DLGAP2: variants seen among roughly 807,000 people sequenced by gnomAD.
The protein encoded by DLGAP2 is DLG associated protein 2.
DLGAP2 carries 26 observed loss-of-function variants against 100.3 expected under a neutral mutation model. The observed-to-expected ratio is 0.26, with a 90% CI of 0.19 to 0.36. The LOEUF is 0.36. DLGAP2 is among the 10% of genes least tolerant of loss of function. DLGAP2 has a pLI of 1.00. For synonymous variants in DLGAP2, 886 were observed against 630.1 expected (o/e 1.41, Z -6.08); for missense variants, 1,858 against 1,453.2 (o/e 1.28, Z -4.53).
At chr8:1,227,733 G>C (rs997054870) in intron 2 of DLGAP2, among the ~76,000 whole-genome samples, 1 of 152,130 alleles carries the variant, frequency 6.6e-6, no homozygotes, top group Admixed American at 6.6e-5. Flanking sequence ...GATAAAACTA[G>C]TTATCAGGGA....
At chr8:1,111,939 G>A (rs1804970657) in intron 2 of DLGAP2, among the ~76,000 whole-genome samples, 1 of 152,096 alleles carries the variant, frequency 6.6e-6, no homozygotes, top group Admixed American at 6.5e-5. Flanking sequence ...GAATTGCTGG[G>A]TTGAATGGCA....
chr8:1,327,795 G>A (rs1165803386), intron 3 of DLGAP2, among the ~76,000 whole-genome samples: 1 of 152,200 alleles, frequency 6.6e-6, no homozygotes, highest in Non-Finnish European at 1.5e-5. Context: ...AATGAGCAGA[G>A]ATGGCACCAC....
chr8:1,302,326 GC>G, intron 3 of DLGAP2: 1 of 116,458 alleles, frequency 8.6e-6, no homozygotes, highest in African/African-American at 4.3e-5. Context: ...CCCGAGCTCT[GC>G]TCCACACCTG....
At chr8:934,887 ATAGAGC>A in intron 2 of DLGAP2, among the ~76,000 whole-genome samples, 1 of 152,306 alleles carries the variant, frequency 6.6e-6, no homozygotes, top group Non-Finnish European at 1.5e-5. Flanking sequence ...CTGTCCAAAG[ATAGAGC>A]TTTCCCTCAG....
intron 2 of DLGAP2, among the ~76,000 whole-genome samples, chr8:1,177,677 A>G (rs1350403408): frequency 1.3e-5 from 2 of 152,188 alleles, no homozygotes; most frequent in Non-Finnish European, 2.9e-5. Context: ...AAATAATAGA[A>G]GTTTATTTCT....
At chr8:786,392 C>T (rs1487330981) in intron 1 of DLGAP2, among the ~76,000 whole-genome samples, 1 of 152,170 alleles carries the variant, frequency 6.6e-6, no homozygotes. Flanking sequence ...CCGGGGACAG[C>T]CACCATTTTC....
At chr8:871,732 G>A (rs1388422512) in intron 1 of DLGAP2, among the ~76,000 whole-genome samples, 1 of 151,916 alleles carries the variant, frequency 6.6e-6, no homozygotes, top group Admixed American at 6.6e-5. Context: ...AAGTACTTCT[G>A]GTCCCACGCA....
intron 1 of DLGAP2, among the ~76,000 whole-genome samples, chr8:761,064 C>T (rs1011592495): frequency 3.3e-5 from 5 of 152,320 alleles, no homozygotes; most frequent in Middle Eastern, 3.4e-3. Context: ...TTGCCTGTGC[C>T]GGGCGCCGTT....
At position 1,430,027 on chromosome 8, in the gene DLGAP2, T is replaced by TAC. The variant is rs58468404; in HGVS notation, c.107-71327_107-71326dup. Reference sequence around the variant, plus strand: ...ATATACATATATATATATATATATATACACACACACACATATGAACTTAGA... The same window carrying TAC: ...ATATACATATATATATATATATATATACACACACACACACATATGAACTTAGA... On this transcript the variant is annotated intron_variant, in intron 3 of 14. Coordinates refer to ENST00000637795, the MANE Select transcript of DLGAP2 (RefSeq NM_001346810.2). Among the ~76,000 whole-genome samples the TAC allele has an allele frequency of 2.6e-3, 197 of 76,822 alleles. 10 individuals carry two copies. The highest frequency in any genetic ancestry group is 6.7e-3 in the Middle Eastern group (1 of 150). The allele number at this position is 76,822 out of a possible 152,430, so 50.4% of individuals were successfully genotyped here.
chr8:898,653 C>G (rs1798192526), intron 1 of DLGAP2, among the ~76,000 whole-genome samples: 2 of 111,590 alleles, frequency 1.8e-5, no homozygotes, highest in South Asian at 5.1e-4. Context: ...TTGCTGGGTC[C>G]TCACTCAGAT....
rs939374709 is a variant in DLGAP2 at position 1,458,731 on chromosome 8, C to G, written c.107-42635C>G. ...GAAGACAGGGTTTGCACACAGCCTTCAGGACCCACCTAGGATGTGTCGGCT... is the reference window on the plus strand; with the variant it reads ...GAAGACAGGGTTTGCACACAGCCTTGAGGACCCACCTAGGATGTGTCGGCT... On this transcript the variant is annotated intron_variant, in intron 3 of 14. Transcript: ENST00000637795. Among the ~76,000 whole-genome samples the G allele has an allele frequency of 2.6e-5, 4 of 152,242 alleles. No homozygotes were observed. The East Asian group carries it at 5.8e-4, about 22-fold the overall frequency.
At chr8:1,585,545 A>G (rs1796090365) in intron 6 of DLGAP2, among the ~76,000 whole-genome samples, 1 of 152,234 alleles carries the variant, frequency 6.6e-6, no homozygotes, top group Non-Finnish European at 1.5e-5. Context: ...GCGAACTGCA[A>G]CTGAAAAACA....
At chr8:1,057,606 A>G (rs1033440325) in intron 2 of DLGAP2, among the ~76,000 whole-genome samples, 2 of 152,228 alleles carry the variant, frequency 1.3e-5, no homozygotes, top group African/African-American at 4.8e-5. Flanking sequence ...TCTATTCTAA[A>G]CACCGACAAA....
chr8:922,537 T>C (rs776767319), intron 2 of DLGAP2, among the ~76,000 whole-genome samples: 1 of 152,252 alleles, frequency 6.6e-6, no homozygotes, highest in African/African-American at 2.4e-5. Flanking sequence ...GTTTGTTGGG[T>C]TTAAAATAAA....
intron 14 of DLGAP2, among the ~76,000 whole-genome samples, chr8:1,697,692 G>A (rs1013199834): frequency 6.6e-6 from 1 of 152,186 alleles, no homozygotes; most frequent in African/African-American, 2.4e-5. Flanking sequence ...TTCCCACAGG[G>A]AAAGTTTTAG....
intron 1 of DLGAP2, among the ~76,000 whole-genome samples, chr8:902,149 G>C (rs934599657): frequency 6.6e-6 from 1 of 152,346 alleles, no homozygotes; most frequent in Non-Finnish European, 1.5e-5. Context: ...AGCAGACTGG[G>C]GACAGTGCCC....
chr8:984,572 A>G (rs1800433203), intron 2 of DLGAP2, among the ~76,000 whole-genome samples: 1 of 152,210 alleles, frequency 6.6e-6, no homozygotes, highest in Non-Finnish European at 1.5e-5. Flanking sequence ...GATTGTGTAG[A>G]GCAGGCCTGG....
chr8:1,311,321 A>G (rs73170447), intron 3 of DLGAP2, among the ~76,000 whole-genome samples: 9 of 152,246 alleles, frequency 5.9e-5, no homozygotes, highest in Admixed American at 2.0e-4. Flanking sequence ...CCAGAATCAG[A>G]TACGTTCACT....
At chr8:750,103 C>T (rs73523298) in intron 1 of DLGAP2, among the ~76,000 whole-genome samples, 315 of 152,362 alleles carry the variant, frequency 2.1e-3, no homozygotes, top group African/African-American at 7.0e-3. Flanking sequence ...CTTCCAAGCA[C>T]GCTCACATTC....
Sources: allele counts gnomAD v4.1 joint callset (sites outside exome capture counted in the v4.1 genomes callset), GRCh38; gene constraint gnomAD v4.1.1; transcripts MANE v1.5; gene names NCBI Gene and HGNC (gene_info 2026-07-23, HGNC 2026-07-21).